Variants in TMEM132B observed in about 807,000 individuals in gnomAD.
TMEM132B encodes transmembrane protein 132B.
Under a neutral mutation model 90.8 loss-of-function variants are expected in TMEM132B, and 18 were observed. The observed-to-expected ratio is 0.20, with a 90% CI of 0.14 to 0.29. The LOEUF is 0.29. Among genes scored for constraint, TMEM132B ranks in the 10% least tolerant of loss-of-function variants. TMEM132B has a pLI of 1.00. For synonymous variants in TMEM132B, 504 were observed against 523.3 expected (o/e 0.96, Z 0.50); for missense variants, 1,096 against 1,326.8 (o/e 0.83, Z 2.70).
At chr12:125,261,161 T>G (rs1199807226) in intron 1 of TMEM132B, among the ~76,000 whole-genome samples, 1 of 152,190 alleles carries the variant, frequency 6.6e-6, no homozygotes, top group Middle Eastern at 3.2e-3. Flanking sequence ...GTCCAGGTAT[T>G]TTAGGGCAAA....
intron 2 of TMEM132B, among the ~76,000 whole-genome samples, chr12:125,367,917 A>G (rs562985855): frequency 1.3e-5 from 2 of 151,624 alleles, no homozygotes; most frequent in South Asian, 4.2e-4. Flanking sequence ...TTTTTTCTTT[A>G]TTCCTTCTTT....
intron 1 of TMEM132B, among the ~76,000 whole-genome samples, chr12:125,278,244 G>C (rs998315312): frequency 1.3e-5 from 2 of 152,194 alleles, no homozygotes; most frequent in Non-Finnish European, 2.9e-5. Flanking sequence ...GTAACCCCAG[G>C]GTTGAGAAGC....
At chr12:125,552,356 G>A (rs1044881867) in intron 4 of TMEM132B, among the ~76,000 whole-genome samples, 3 of 152,192 alleles carry the variant, frequency 2.0e-5, no homozygotes, top group African/African-American at 7.2e-5. Context: ...GTGGCCACAC[G>A]TTTTCTAGGC....
At chr12:125,616,497 G>T (rs1397906224) in intron 5 of TMEM132B, among the ~76,000 whole-genome samples, 1 of 146,220 alleles carries the variant, frequency 6.8e-6, no homozygotes, top group Non-Finnish European at 1.5e-5. Context: ...AAAGTTGTCA[G>T]GCTTATTTCC....
intron 3 of TMEM132B, among the ~76,000 whole-genome samples, chr12:125,448,964 C>CTTTT (rs368984381): frequency 8.8e-5 from 11 of 124,734 alleles, no homozygotes; most frequent in African/African-American, 2.4e-4. Flanking sequence ...ATTCATATAT[C>CTTTT]TTTTTTTTTT....
chr12:125,564,701 C>T (rs1322830424), intron 4 of TMEM132B, among the ~76,000 whole-genome samples: 1 of 152,196 alleles, frequency 6.6e-6, no homozygotes, highest in Non-Finnish European at 1.5e-5. Context: ...TACCACTTTC[C>T]TGTGTAGTTT....
intron 4 of TMEM132B, among the ~76,000 whole-genome samples, chr12:125,527,511 C>A (rs1883519097): frequency 7.4e-6 from 1 of 134,644 alleles, no homozygotes; most frequent in African/African-American, 3.1e-5. Flanking sequence ...CACCCATTTA[C>A]CTTTCCATGC....
At chr12:125,507,183 C>CAAA (rs1416320594) in intron 3 of TMEM132B, among the ~76,000 whole-genome samples, 1 of 152,146 alleles carries the variant, frequency 6.6e-6, no homozygotes, top group African/African-American at 2.4e-5. Context: ...CTAGGAAAGC[C>CAAA]AAAGGGGTGT....
chr12:125,229,742 C>T (rs1240614081), intron 1 of TMEM132B, among the ~76,000 whole-genome samples: 1 of 152,242 alleles, frequency 6.6e-6, no homozygotes, highest in Non-Finnish European at 1.5e-5. Context: ...GCTTTGCTGG[C>T]TTCTGTTGGC....
At chr12:125,259,212 C>T (rs1250294126) in intron 1 of TMEM132B, among the ~76,000 whole-genome samples, 1 of 152,188 alleles carries the variant, frequency 6.6e-6, no homozygotes, top group Non-Finnish European at 1.5e-5. Context: ...CTTCTTGATG[C>T]TTTGTCTCCC....
In TMEM132B at chr12:125,657,020, T is replaced by A. The variant is rs971712499; in HGVS notation, c.*2310T>A. ...AAATTATCCCTGCCATGGGGAGTGT[T>A]ATTCAGGAACATAAAAATTAGAGCA... On this transcript the variant is annotated 3_prime_UTR_variant, in exon 9 of 9. Transcript: ENST00000682704. 1 of 152,186 alleles carries A rather than the reference T, an allele frequency of 6.6e-6. No individual in the cohort carries two copies. The highest frequency in any genetic ancestry group is 1.5e-5 in the Non-Finnish European group (1 of 68,048). 9.4% of individuals were successfully genotyped at this position (152,186 alleles called of 1,614,324 possible). A position where few individuals can be genotyped will look rare whatever the true frequency, so the allele number is the denominator to read the frequency against.
intron 2 of TMEM132B, among the ~76,000 whole-genome samples, chr12:125,412,921 G>C (rs893948531): frequency 2.6e-5 from 4 of 152,122 alleles, no homozygotes; most frequent in African/African-American, 9.7e-5. Context: ...GAATTCAGCG[G>C]AAGAATGATC....
In TMEM132B at chr12:125,464,531, AG is replaced by A. The variant is rs1162946712; in HGVS notation, c.1106+48857del. On this transcript the variant is annotated intron_variant, in intron 3 of 8. Transcript: ENST00000682704. ...TCCTTGATGGGCTTGTGGGCTTCTCAGGGTTGGGGAGCTGTCACCCTGGTAC... is the reference window on the plus strand; with the variant it reads ...TCCTTGATGGGCTTGTGGGCTTCTCAGGTTGGGGAGCTGTCACCCTGGTAC... Among the ~76,000 whole-genome samples, 5 of 152,236 alleles carry A rather than the reference AG, an allele frequency of 3.3e-5. No individual in the cohort carries two copies. The East Asian group carries it at 9.7e-4, about 29-fold the overall frequency.
chr12:125,353,364 T>C (rs911327698), intron 2 of TMEM132B, among the ~76,000 whole-genome samples: 2 of 152,188 alleles, frequency 1.3e-5, no homozygotes, highest in African/African-American at 4.8e-5. Context: ...ACTAAACTTA[T>C]TTGCTACTCC....
At chr12:125,587,454 C>G (rs1420025932) in intron 5 of TMEM132B, 2 of 152,010 alleles carry the variant, frequency 1.3e-5, no homozygotes, top group Non-Finnish European at 2.9e-5. Flanking sequence ...TAATTTGTTG[C>G]CCCCATGTAA....
Position 125,657,289 on chromosome 12 carries a change from T to A in TMEM132B, c.*2579T>A, listed in dbSNP as rs960522753. Reference sequence around the variant, plus strand: ...CATGGGGGAAGGGTTCCTTCCACCATATAACCCACACCCAGATGTATATAA... The same window carrying A: ...CATGGGGGAAGGGTTCCTTCCACCAAATAACCCACACCCAGATGTATATAA... On this transcript the variant is annotated 3_prime_UTR_variant, in exon 9 of 9. Transcript: ENST00000682704. The A allele has an allele frequency of 2.6e-5, 4 of 152,050 alleles. No individual in the cohort carries two copies. The highest frequency in any genetic ancestry group is 9.7e-5 in the African/African-American group (4 of 41,382). 9.4% of individuals were successfully genotyped at this position (152,050 alleles called of 1,614,324 possible). A position where few individuals can be genotyped will look rare whatever the true frequency, so the allele number is the denominator to read the frequency against.
intron 4 of TMEM132B, among the ~76,000 whole-genome samples, chr12:125,537,162 A>G (rs1225488966): frequency 6.6e-6 from 1 of 152,344 alleles, no homozygotes; most frequent in African/African-American, 2.4e-5. Context: ...TGGGGAACCC[A>G]CATATACAAA....
chr12:125,539,753 T>A (rs1346250681), intron 4 of TMEM132B, among the ~76,000 whole-genome samples: 1 of 152,222 alleles, frequency 6.6e-6, no homozygotes, highest in Non-Finnish European at 1.5e-5. Context: ...TTGTTCCTGA[T>A]CAGTCTGGCT....
At chr12:125,571,680 C>T (rs889217774) in intron 4 of TMEM132B, among the ~76,000 whole-genome samples, 1 of 152,148 alleles carries the variant, frequency 6.6e-6, no homozygotes, top group African/African-American at 2.4e-5. Context: ...CTAAAATCCC[C>T]CAAATGTGCA....
Sources: allele counts gnomAD v4.1 joint callset (sites outside exome capture counted in the v4.1 genomes callset), GRCh38; gene constraint gnomAD v4.1.1; transcripts MANE v1.5; gene names NCBI Gene and HGNC (gene_info 2026-07-23, HGNC 2026-07-21).